The following GRIN3A variants were observed in gnomAD, a reference collection of about 807,000 sequenced individuals.
The protein encoded by GRIN3A is glutamate ionotropic receptor NMDA type subunit 3A, also known as glutamate receptor ionotropic, NMDA 3A.
A neutral mutation model predicts 92.4 loss-of-function variants in GRIN3A; 47 were observed. The observed-to-expected ratio is 0.51, with a 90% CI of 0.40 to 0.65. GRIN3A has a LOEUF of 0.65. Ranked by LOEUF, GRIN3A falls within the 30% of genes least tolerant of loss-of-function variation. The pLI is 0.00. For synonymous variants in GRIN3A, 527 were observed against 540.6 expected, an observed-to-expected ratio of 0.97 and a Z score of 0.35; for missense variants, 1,324 against 1,393.1, an observed-to-expected ratio of 0.95 and a Z score of 0.79.
In GRIN3A at chr9:101,594,944, C is replaced by G. The variant is rs763371457; in HGVS notation, c.2767-15584G>C. On this transcript the variant is annotated intron_variant, in intron 6 of 8. Transcript: ENST00000361820. ...CATTGTGGACATCTGGCAACGGCCA[C>G]GGCTCAAAGGGTCGGAGAGGGGAGC... 2.5e-6 allele frequency: 4 copies of G among 1,590,914 alleles called. No individual in the cohort carries two copies. In the East Asian group the frequency reaches 6.7e-5, roughly 27 times the overall value.
chr9:101,639,093 A>G (rs1015363181), intron 3 of GRIN3A, among the ~76,000 whole-genome samples: 11 of 152,216 alleles, frequency 7.2e-5, no homozygotes, highest in African/African-American at 2.7e-4. Flanking sequence ...TAGAGACATG[A>G]GATAACTTTC....
chr9:101,606,097 G>A (rs898781749), intron 6 of GRIN3A, among the ~76,000 whole-genome samples: 1 of 152,212 alleles, frequency 6.6e-6, no homozygotes, highest in African/African-American at 2.4e-5. Flanking sequence ...ACAAGTGCAA[G>A]GGCATGGTCT....
intron 2 of GRIN3A, among the ~76,000 whole-genome samples, chr9:101,677,838 T>G (rs1243063421): frequency 1.3e-5 from 2 of 152,184 alleles, no homozygotes; most frequent in African/African-American, 4.8e-5. Flanking sequence ...CGTGATTTCT[T>G]GAGCTTACAT....
intron 5 of GRIN3A, among the ~76,000 whole-genome samples, chr9:101,622,534 A>G (rs1286718555): frequency 6.6e-6 from 1 of 152,186 alleles, no homozygotes; most frequent in East Asian, 1.9e-4. Flanking sequence ...TGATTGGGAG[A>G]TCACATTAGA....
intron 6 of GRIN3A, chr9:101,600,769 G>A (rs1382931780): frequency 1.3e-5 from 2 of 152,238 alleles, no homozygotes; most frequent in East Asian, 3.9e-4. Context: ...GGGAGGTCAA[G>A]GGAGAGCATG....
At chr9:101,731,107 T>C (rs1476094280) in intron 1 of GRIN3A, among the ~76,000 whole-genome samples, 1 of 152,172 alleles carries the variant, frequency 6.6e-6, no homozygotes, top group African/African-American at 2.4e-5. Context: ...TAATTACATT[T>C]CCATCATTTT....
intron 2 of GRIN3A, among the ~76,000 whole-genome samples, chr9:101,680,172 T>C (rs1362503922): frequency 6.6e-6 from 1 of 152,216 alleles, no homozygotes; most frequent in Non-Finnish European, 1.5e-5. Context: ...AACTTTAACA[T>C]GGTCACAATG....
At chr9:101,618,104 A>G (rs1034127796) in intron 5 of GRIN3A, among the ~76,000 whole-genome samples, 2 of 151,930 alleles carry the variant, frequency 1.3e-5, no homozygotes, top group Non-Finnish European at 2.9e-5. Flanking sequence ...AACCTAGGCA[A>G]TACCATTCAG....
intron 1 of GRIN3A, among the ~76,000 whole-genome samples, chr9:101,692,143 G>A (rs796896487): frequency 2.6e-5 from 4 of 152,178 alleles, no homozygotes; most frequent in African/African-American, 9.6e-5. Context: ...TTCATACAAT[G>A]GTCTCAGCAA....
chr9:101,573,642 C>T, intron 8 of GRIN3A, 129 bp from the exon 9 acceptor site: 1 of 751,332 alleles, frequency 1.3e-6, no homozygotes, highest in African/African-American at 1.7e-5. Flanking sequence ...GTAACAAAGC[C>T]ATGGACAGAC....
chr9:101,576,047 A>G (rs1827821889), intron 8 of GRIN3A, among the ~76,000 whole-genome samples: 1 of 152,202 alleles, frequency 6.6e-6, no homozygotes, highest in African/African-American at 2.4e-5. Context: ...GTGCAAGGTG[A>G]CAAATGCTGA....
chr9:101,722,243 T>C (rs1370313674), intron 1 of GRIN3A, among the ~76,000 whole-genome samples: 1 of 152,216 alleles, frequency 6.6e-6, no homozygotes, highest in Non-Finnish European at 1.5e-5. Context: ...AGCCTGTGGG[T>C]ACACTGAAGT....
chr9:101,592,043 ATG>A (rs1306458596), intron 6 of GRIN3A: 1 of 152,218 alleles, frequency 6.6e-6, no homozygotes, highest in Non-Finnish European at 1.5e-5. Context: ...CTAGCATGAC[ATG>A]TGCTCACTTC....
At chr9:101,711,470 A>AGAGG (rs1829878322) in intron 1 of GRIN3A, among the ~76,000 whole-genome samples, 1 of 152,062 alleles carries the variant, frequency 6.6e-6, no homozygotes, top group African/African-American at 2.4e-5. Flanking sequence ...AAAACCTTGA[A>AGAGG]GAGGGGAGAC....
intron 1 of GRIN3A, among the ~76,000 whole-genome samples, chr9:101,703,698 T>A (rs1829780114): frequency 6.6e-6 from 1 of 152,218 alleles, no homozygotes; most frequent in Non-Finnish European, 1.5e-5. Flanking sequence ...TTAAAATTTA[T>A]CTTTCTACTG....
intron 1 of GRIN3A, among the ~76,000 whole-genome samples, chr9:101,703,080 T>C (rs1225383288): frequency 6.6e-6 from 1 of 152,180 alleles, no homozygotes; most frequent in African/African-American, 2.4e-5. Flanking sequence ...GCCTATTCAG[T>C]AATTAGTTTG....
intron 1 of GRIN3A, among the ~76,000 whole-genome samples, chr9:101,691,679 G>A (rs1051798144): frequency 2.0e-5 from 3 of 152,164 alleles, no homozygotes; most frequent in African/African-American, 7.2e-5. Context: ...TTTCCTGTGC[G>A]ATTCTGCATT....
intron 3 of GRIN3A, among the ~76,000 whole-genome samples, chr9:101,657,122 T>G (rs959961258): frequency 3.3e-5 from 5 of 151,880 alleles, no homozygotes; most frequent in Admixed American, 2.6e-4. Context: ...GAGAAAAAAT[T>G]TCTTAATTCC....
At chr9:101,720,408 T>C (rs898959406) in intron 1 of GRIN3A, among the ~76,000 whole-genome samples, 3 of 152,164 alleles carry the variant, frequency 2.0e-5, no homozygotes, top group Non-Finnish European at 4.4e-5. Flanking sequence ...CTCAGAGAAG[T>C]TTCCCAAAGC....
Sources: allele counts gnomAD v4.1 joint callset (sites outside exome capture counted in the v4.1 genomes callset), GRCh38; gene constraint gnomAD v4.1.1; transcripts MANE v1.5; gene names NCBI Gene and HGNC (gene_info 2026-07-23, HGNC 2026-07-21).